The following STK10 variants were observed in gnomAD, a reference collection of about 807,000 sequenced individuals.
The protein encoded by STK10 is serine/threonine-protein kinase 10.
A neutral mutation model predicts 113.8 loss-of-function variants in STK10; 78 were observed. The ratio of observed to expected loss-of-function variants is 0.69; its 90% confidence interval spans 0.57 to 0.83. The LOEUF (loss-of-function observed/expected upper bound fraction) is 0.83. STK10 is among the 40% of genes least tolerant of loss of function. STK10 has a pLI of 0.00. For synonymous variants in STK10, 465 were observed against 494.7 expected (o/e 0.94, Z 0.80); for missense variants, 1,109 against 1,280.1 (o/e 0.87, Z 2.04).
intron 12 of STK10, among the ~76,000 whole-genome samples, chr5:172,065,919 T>C (rs1306426706): frequency 6.6e-6 from 1 of 152,188 alleles, no homozygotes; most frequent in Non-Finnish European, 1.5e-5. Context: ...GCAAGTGTTC[T>C]TTCCTTCTTA....
intron 1 of STK10, among the ~76,000 whole-genome samples, chr5:172,182,442 G>A (rs911456403): frequency 6.6e-5 from 10 of 150,466 alleles, no homozygotes; most frequent in South Asian, 2.1e-4. Context: ...GTGCAGAGGC[G>A]TGGGTGCAGT....
intron 2 of STK10, among the ~76,000 whole-genome samples, chr5:172,155,569 A>C (rs983543633): frequency 3.3e-5 from 5 of 152,070 alleles, no homozygotes; most frequent in African/African-American, 1.2e-4. Flanking sequence ...TGTCCATCAC[A>C]GAGTTGTTTA....
chr5:172,134,748 A>G (rs1373533928), intron 2 of STK10, among the ~76,000 whole-genome samples: 1 of 140,988 alleles, frequency 7.1e-6, no homozygotes, highest in Non-Finnish European at 1.5e-5. Flanking sequence ...ATATTTACAA[A>G]AAAAAAAAAA....
intron 4 of STK10, among the ~76,000 whole-genome samples, chr5:172,116,666 G>A (rs1406150440): frequency 2.0e-5 from 3 of 151,612 alleles, no homozygotes; most frequent in Admixed American, 6.6e-5. Flanking sequence ...TCAGGAACTC[G>A]AGACCAGCCT....
intron 2 of STK10, among the ~76,000 whole-genome samples, chr5:172,138,389 TG>T (rs2113798691): frequency 6.6e-6 from 1 of 152,298 alleles, no homozygotes; most frequent in South Asian, 2.1e-4. Context: ...CCCAAAGTGC[TG>T]GGATTACAGG....
chr5:172,129,599 A>G (rs906818189), intron 2 of STK10, among the ~76,000 whole-genome samples: 8 of 152,120 alleles, frequency 5.3e-5, no homozygotes, highest in Non-Finnish European at 1.0e-4. Flanking sequence ...TTACCCAACC[A>G]CCACCTAACC....
chr5:172,172,658 G>T (rs114848043), intron 1 of STK10, among the ~76,000 whole-genome samples: 5,976 of 152,322 alleles, frequency 0.039, 182 homozygotes, highest in Middle Eastern at 0.088. Flanking sequence ...GCTGCGACTT[G>T]TAAGATGAAC....
chr5:172,058,978 C>T (rs1030295667), intron 14 of STK10, among the ~76,000 whole-genome samples: 1 of 152,012 alleles, frequency 6.6e-6, no homozygotes, highest in Admixed American at 6.6e-5. Flanking sequence ...AATCCTAGCA[C>T]TTTGGGAGGC....
rs74565559 is a variant in STK10, at chr5:172,075,848, G to A, written c.1989+6478C>T. Among the ~76,000 whole-genome samples, 956 of 152,298 alleles carry A rather than the reference G, an allele frequency of 6.3e-3. 7 individuals are homozygous for A. Among genetic ancestry groups the A allele is most frequent in the African/African-American group, 0.021 (873 of 41,548 alleles). On this transcript the variant is annotated intron_variant, in intron 12 of 18. Transcript: ENST00000176763. ...AAAAACCTGACAATTGCAAGTGCTG[G>A]TGAGGACCTGGAGCAACTGGAACTC...
intron 10 of STK10, among the ~76,000 whole-genome samples, chr5:172,089,427 T>TGGATGGATGGAA (rs1165642005): frequency 6.6e-6 from 1 of 151,480 alleles, no homozygotes; most frequent in Non-Finnish European, 1.5e-5. Context: ...GATGGATGGA[T>TGGATGGATGGAA]GGATGGATGG....
At chr5:172,095,893 C>T (rs113375433) in intron 8 of STK10, among the ~76,000 whole-genome samples, 194 of 152,328 alleles carry the variant, frequency 1.3e-3, no homozygotes, top group Middle Eastern at 0.01. Context: ...GACATGTTTT[C>T]CTTGGCTCAC....
At chr5:172,061,376 G>C in intron 13 of STK10, 108 bp from the exon 14 acceptor site, 1 of 1,446,420 alleles carries the variant, frequency 6.9e-7, no homozygotes, top group Non-Finnish European at 9.2e-7. Flanking sequence ...GAAAATGCAG[G>C]AACAGAAAAG....
intron 12 of STK10, among the ~76,000 whole-genome samples, chr5:172,079,096 A>G (rs1768375031): frequency 6.6e-6 from 1 of 152,180 alleles, no homozygotes; most frequent in African/African-American, 2.4e-5. Context: ...ATGCTAAAAC[A>G]TCTATGTAAG....
intron 12 of STK10, among the ~76,000 whole-genome samples, chr5:172,078,228 AGCCTCTCACTG>A (rs2113725008): frequency 6.6e-6 from 1 of 152,342 alleles, no homozygotes; most frequent in East Asian, 1.9e-4. Context: ...CATGGAGCAA[AGCCTCTCACTG>A]GCCTCCTGCC....
At chr5:172,057,310 C>A in intron 15 of STK10, 39 bp downstream of exon 15, 1 of 1,569,318 alleles carries the variant, frequency 6.4e-7, no homozygotes, top group East Asian at 2.3e-5. Flanking sequence ...CAGGTCGGCC[C>A]GGCAGCAGAT....
chr5:172,174,022 A>G (rs1263272086), intron 1 of STK10, among the ~76,000 whole-genome samples: 3 of 152,174 alleles, frequency 2.0e-5, no homozygotes, highest in African/African-American at 7.2e-5. Flanking sequence ...AACTGATTCC[A>G]GCGCCACATC....
At chr5:172,091,124 C>T (rs1768694021) in intron 9 of STK10, among the ~76,000 whole-genome samples, 2 of 152,028 alleles carry the variant, frequency 1.3e-5, no homozygotes, top group African/African-American at 4.8e-5. Flanking sequence ...GAACACATGG[C>T]AGGCACACAG....
At chr5:172,181,448 A>G (rs1770852204) in intron 1 of STK10, among the ~76,000 whole-genome samples, 1 of 151,964 alleles carries the variant, frequency 6.6e-6, no homozygotes, top group African/African-American at 2.4e-5. Flanking sequence ...TAAAGCGCCT[A>G]GCACAGTGCC....
chr5:172,115,752 G>A (rs1194236818), intron 4 of STK10, among the ~76,000 whole-genome samples: 3 of 152,206 alleles, frequency 2.0e-5, no homozygotes, highest in Non-Finnish European at 2.9e-5. Flanking sequence ...AATCCATCCT[G>A]CAAGATGATA....
Sources: allele counts gnomAD v4.1 joint callset (sites outside exome capture counted in the v4.1 genomes callset), GRCh38; gene constraint gnomAD v4.1.1; transcripts MANE v1.5; gene names NCBI Gene and HGNC (gene_info 2026-07-23, HGNC 2026-07-21).